XRN1: variants seen among roughly 807,000 people sequenced by gnomAD.
XRN1 encodes 5'-3' exoribonuclease 1.
A neutral mutation model predicts 222.3 loss-of-function variants in XRN1; 67 were observed. That is an observed-to-expected ratio of 0.30 (90% CI 0.25 to 0.37). The LOEUF is 0.37. Among genes scored for constraint, XRN1 ranks in the 10% least tolerant of loss-of-function variants. The pLI is 1.00. For missense variants in XRN1, 1,707 were observed against 2,000.2 expected (o/e 0.85, Z 2.80); for synonymous variants, 643 against 652.4 (o/e 0.99, Z 0.22).
intron 29 of XRN1, among the ~76,000 whole-genome samples, chr3:142,360,163 T>G (rs1275066392): frequency 6.6e-6 from 1 of 152,174 alleles, no homozygotes; most frequent in Non-Finnish European, 1.5e-5. Context: ...CTAGGTAACA[T>G]TATCTTCAAT....
intron 29 of XRN1, among the ~76,000 whole-genome samples, chr3:142,364,715 CAGG>C (rs1215919515): frequency 6.6e-6 from 1 of 152,034 alleles, no homozygotes; most frequent in Non-Finnish European, 1.5e-5. Context: ...CAATGAAACT[CAGG>C]AGAAGCAATG....
intron 2 of XRN1, among the ~76,000 whole-genome samples, chr3:142,431,386 G>C (rs1244657932): frequency 6.6e-6 from 1 of 152,124 alleles, no homozygotes; most frequent in Non-Finnish European, 1.5e-5. Context: ...AGCCCCAGGT[G>C]ACACCAAAAC....
chr3:142,333,206 G>A, intron 34 of XRN1, 117 bp from the exon 35 acceptor site: 1 of 1,184,008 alleles, frequency 8.4e-7, no homozygotes, highest in Non-Finnish European at 1.2e-6. Flanking sequence ...CTTCCCAGGT[G>A]TTAAAGTTTG....
intron 1 of XRN1, 119 bp from the exon 2 acceptor site, chr3:142,433,012 A>G: frequency 1.4e-6 from 1 of 739,868 alleles, no homozygotes. Context: ...TCTATTATAC[A>G]AAAACTGAGT....
intron 32 of XRN1, among the ~76,000 whole-genome samples, chr3:142,348,780 GA>G (rs2066222255): frequency 6.6e-6 from 1 of 152,148 alleles, no homozygotes; most frequent in Admixed American, 6.6e-5. Context: ...AAACACTCAA[GA>G]CTCTTCAGTT....
chr3:142,444,512 GGCA>G (rs1442276448), intron 1 of XRN1, among the ~76,000 whole-genome samples: 2 of 152,180 alleles, frequency 1.3e-5, no homozygotes, highest in Admixed American at 6.5e-5. Context: ...GGGTGGCTAA[GGCA>G]CAAGACTTGC....
At chr3:142,346,577 C>A (rs1364828937) in intron 33 of XRN1, among the ~76,000 whole-genome samples, 1 of 151,794 alleles carries the variant, frequency 6.6e-6, no homozygotes, top group South Asian at 2.1e-4. Flanking sequence ...GCCCCCCAGG[C>A]TCAAGCAATC....
chr3:142,322,559 G>A (rs1434359154), intron 37 of XRN1, among the ~76,000 whole-genome samples: 1 of 151,956 alleles, frequency 6.6e-6, no homozygotes, highest in South Asian at 2.1e-4. Flanking sequence ...GGTTGCATGT[G>A]CCTGTAGTCC....
intron 15 of XRN1, among the ~76,000 whole-genome samples, chr3:142,409,836 G>T (rs1401337996): frequency 2.6e-5 from 4 of 152,086 alleles, no homozygotes; most frequent in African/African-American, 9.7e-5. Flanking sequence ...AAGGTAGAGG[G>T]CTTCCACATA....
At chr3:142,343,451 T>C (rs1378544546) in intron 33 of XRN1, among the ~76,000 whole-genome samples, 1 of 148,920 alleles carries the variant, frequency 6.7e-6, no homozygotes, top group East Asian at 2.0e-4. Flanking sequence ...CGAAATTCCG[T>C]CTTAAAAAAA....
chr3:142,406,794 T>C (rs971270978), intron 15 of XRN1, among the ~76,000 whole-genome samples: 7 of 151,820 alleles, frequency 4.6e-5, no homozygotes, highest in Non-Finnish European at 7.4e-5. Flanking sequence ...AGATTACAGG[T>C]GTGAGCCATA....
rs1222718853 is a variant in XRN1 at position 142,405,069 on chromosome 3, A to G, written c.1721T>C (p.Leu574Ser). 6.2e-7 allele frequency: 1 copy of G among 1,613,854 alleles called. No homozygotes were observed. Among genetic ancestry groups the G allele is most frequent in the Non-Finnish European group, 8.5e-7 (1 of 1,179,798 alleles). ...VLIPFIDEKR[L>S]LEAMETCNHS... is the part of the protein sequence containing the mutation. ...GTTACATGTCTCCATGGCTTCCAATAATCGCTTCTGAATATAAGGATTGAA... is the reference window on the plus strand; with the variant it reads ...GTTACATGTCTCCATGGCTTCCAATGATCGCTTCTGAATATAAGGATTGAA... Residue 574 changes from leucine to serine, a missense_variant, in exon 16 of 41, where the codon TTA becomes TCA. Leu to Ser is a moderately radical substitution (Grantham distance 145). This residue lies in a region of XRN1 where 1,234 missense variants were observed against 1,518.2 expected (regional missense o/e 0.81). Transcript: ENST00000392981.
At chr3:142,361,220 T>C (rs549233799) in intron 29 of XRN1, among the ~76,000 whole-genome samples, 10 of 152,370 alleles carry the variant, frequency 6.6e-5, no homozygotes, top group African/African-American at 2.4e-4. Flanking sequence ...AGTAGTTGTT[T>C]CTTTTTTATA....
intron 32 of XRN1, 98 bp downstream of exon 32, chr3:142,355,303 T>G: frequency 1.2e-5 from 7 of 571,804 alleles, no homozygotes; most frequent in Non-Finnish European, 1.9e-5. Flanking sequence ...TTCTATTTTA[T>G]GAGATGTCAC....
At chr3:142,343,084 AT>A (rs1471236233) in intron 33 of XRN1, among the ~76,000 whole-genome samples, 1 of 152,212 alleles carries the variant, frequency 6.6e-6, no homozygotes, top group African/African-American at 2.4e-5. Flanking sequence ...TAGGAAAAAA[AT>A]CTCATAATCT....
chr3:142,371,514 C>G (rs1160206678), intron 25 of XRN1, among the ~76,000 whole-genome samples, 186 bp from the exon 26 acceptor site: 1 of 151,702 alleles, frequency 6.6e-6, no homozygotes, highest in Non-Finnish European at 1.5e-5. Flanking sequence ...ACTCCTAGAC[C>G]CTCAAAAAAC....
chr3:142,388,625 G>A (rs922406464), intron 20 of XRN1, among the ~76,000 whole-genome samples: 1 of 152,202 alleles, frequency 6.6e-6, no homozygotes, highest in East Asian at 1.9e-4. Context: ...GGCCGATGAA[G>A]GTTGGGATGG....
chr3:142,336,693 C>T (rs1479559580), intron 33 of XRN1, among the ~76,000 whole-genome samples: 4 of 151,710 alleles, frequency 2.6e-5, no homozygotes, highest in Non-Finnish European at 4.4e-5. Context: ...AGTAATCTTA[C>T]AAAACAAAGG....
intron 1 of XRN1, among the ~76,000 whole-genome samples, chr3:142,446,445 G>A (rs1030658565): frequency 1.3e-5 from 2 of 152,166 alleles, no homozygotes; most frequent in Non-Finnish European, 2.9e-5. Context: ...TAGTGTCCAT[G>A]TCATAAAACT....
Sources: allele counts gnomAD v4.1 joint callset (sites outside exome capture counted in the v4.1 genomes callset), GRCh38; gene constraint gnomAD v4.1.1; regional missense constraint gnomAD v4.1.1; transcripts MANE v1.5; gene names NCBI Gene and HGNC (gene_info 2026-07-23, HGNC 2026-07-21).